Variants in CDH12 observed in about 807,000 individuals in gnomAD.
CDH12 encodes cadherin 12.
CDH12 carries 41 observed loss-of-function variants against 74.1 expected under a neutral mutation model. That is an observed-to-expected ratio of 0.55 (90% CI 0.43 to 0.72). CDH12 has a LOEUF of 0.72. CDH12 is among the 30% of genes least tolerant of loss of function. The pLI is 0.00. For missense variants in CDH12, 945 were observed against 977.2 expected (o/e 0.97, Z 0.44); for synonymous variants, 399 against 355.0 (o/e 1.12, Z -1.39).
At chr5:21,938,199 A>T (rs1215235890) in intron 6 of CDH12, among the ~76,000 whole-genome samples, 1 of 151,978 alleles carries the variant, frequency 6.6e-6, no homozygotes, top group Non-Finnish European at 1.5e-5. Context: ...CTCTCTCCAG[A>T]GTAGTTAAGC....
chr5:22,519,917 T>G (rs1056800433), intron 1 of CDH12, among the ~76,000 whole-genome samples: 4 of 152,194 alleles, frequency 2.6e-5, no homozygotes, highest in African/African-American at 9.7e-5. Context: ...GAGCACCCTG[T>G]GTATATTGTA....
intron 6 of CDH12, among the ~76,000 whole-genome samples, chr5:21,956,977 G>A (rs1440147637): frequency 2.0e-5 from 3 of 151,678 alleles, no homozygotes; most frequent in African/African-American, 4.8e-5. Flanking sequence ...AGGTAAACTC[G>A]TGTCACCAGG....
At chr5:21,797,751 C>A (rs1182749304) in intron 10 of CDH12, among the ~76,000 whole-genome samples, 1 of 152,112 alleles carries the variant, frequency 6.6e-6, no homozygotes, top group Non-Finnish European at 1.5e-5. Context: ...ACACCAGGGT[C>A]TTGACTGTAA....
chr5:21,882,696 G>C, intron 6 of CDH12: 1 of 1,547,742 alleles, frequency 6.5e-7, no homozygotes, highest in Non-Finnish European at 8.7e-7. Flanking sequence ...GCAGATGCCC[G>C]AGCCTTAATG....
At chr5:22,102,695 C>T (rs1005135153) in intron 4 of CDH12, among the ~76,000 whole-genome samples, 1 of 137,302 alleles carries the variant, frequency 7.3e-6, no homozygotes, top group Non-Finnish European at 1.6e-5. Context: ...TAAATAAATA[C>T]ATAAATAAAT....
At chr5:21,771,156 A>G (rs902583595) in intron 11 of CDH12, among the ~76,000 whole-genome samples, 1 of 152,094 alleles carries the variant, frequency 6.6e-6, no homozygotes, top group East Asian at 1.9e-4. Flanking sequence ...ACTTACATAC[A>G]TAACAAATCT....
At chr5:22,802,119 ATTTT>A (rs397883677) in intron 1 of CDH12, among the ~76,000 whole-genome samples, 3 of 123,548 alleles carry the variant, frequency 2.4e-5, no homozygotes, top group African/African-American at 6.1e-5. Flanking sequence ...TTAAATTCGT[ATTTT>A]TTTTTTTTTT....
At chr5:22,848,869 T>A (rs1228501606) in intron 1 of CDH12, among the ~76,000 whole-genome samples, 2 of 152,208 alleles carry the variant, frequency 1.3e-5, no homozygotes, top group African/African-American at 4.8e-5. Flanking sequence ...ATCTTTATTT[T>A]CTGTATTGTA....
intron 2 of CDH12, among the ~76,000 whole-genome samples, chr5:22,499,054 C>T (rs1488847645): frequency 6.6e-6 from 1 of 151,198 alleles, no homozygotes; most frequent in East Asian, 1.9e-4. Flanking sequence ...CAGGCACCTG[C>T]TACCATACCC....
intron 1 of CDH12, among the ~76,000 whole-genome samples, chr5:22,726,637 T>G (rs542921384): frequency 6.6e-6 from 1 of 151,976 alleles, no homozygotes. Flanking sequence ...TGTTACTGTT[T>G]TATATTTTGG....
intron 2 of CDH12, among the ~76,000 whole-genome samples, chr5:22,488,390 T>TA (rs1236104969): frequency 5.3e-5 from 8 of 152,214 alleles, no homozygotes; most frequent in Admixed American, 1.3e-4. Flanking sequence ...ATGGCTATCT[T>TA]AAAAAATTGC....
At chr5:22,409,633 T>G (rs2126469289) in intron 2 of CDH12, among the ~76,000 whole-genome samples, 1 of 152,286 alleles carries the variant, frequency 6.6e-6, no homozygotes, top group South Asian at 2.1e-4. Flanking sequence ...AATAATGTTT[T>G]AAGTTTCTTC....
intron 1 of CDH12, among the ~76,000 whole-genome samples, chr5:22,645,878 A>G (rs574221235): frequency 6.6e-6 from 1 of 152,090 alleles, no homozygotes; most frequent in Non-Finnish European, 1.5e-5. Context: ...TATATATTGT[A>G]TGTACATTTT....
At chr5:22,182,882 G>A (rs997421969) in intron 4 of CDH12, among the ~76,000 whole-genome samples, 1 of 151,892 alleles carries the variant, frequency 6.6e-6, no homozygotes, top group Non-Finnish European at 1.5e-5. Context: ...GTGCCAATAA[G>A]AAGATAGCGA....
intron 1 of CDH12, among the ~76,000 whole-genome samples, chr5:22,510,605 T>C (rs566832463): frequency 3.6e-4 from 55 of 152,298 alleles, no homozygotes; most frequent in African/African-American, 1.3e-3. Flanking sequence ...AAGTCTTTTA[T>C]GTAAAAAGGA....
intron 3 of CDH12, among the ~76,000 whole-genome samples, chr5:22,273,082 G>A (rs1033118919): frequency 4.6e-5 from 7 of 152,196 alleles, no homozygotes; most frequent in African/African-American, 1.7e-4. Context: ...TCTCCCACGA[G>A]GTCCCTCCCC....
intron 6 of CDH12, among the ~76,000 whole-genome samples, chr5:21,897,462 A>C (rs1395768189): frequency 1.3e-5 from 2 of 152,238 alleles, no homozygotes; most frequent in Non-Finnish European, 2.9e-5. Flanking sequence ...ATGAAAATGT[A>C]CTGACAAAGG....
At chr5:22,130,163 A>G (rs1255911296) in intron 4 of CDH12, among the ~76,000 whole-genome samples, 2 of 150,652 alleles carry the variant, frequency 1.3e-5, no homozygotes, top group Admixed American at 6.7e-5. Flanking sequence ...GATATATTTG[A>G]AGAGACCATG....
chr5:21,763,327 A>G (rs1400195648), intron 12 of CDH12, among the ~76,000 whole-genome samples: 2 of 152,264 alleles, frequency 1.3e-5, no homozygotes, highest in East Asian at 3.9e-4. Context: ...TATGAATGAG[A>G]ATATAGTTTT....
Sources: allele counts gnomAD v4.1 joint callset (sites outside exome capture counted in the v4.1 genomes callset), GRCh38; gene constraint gnomAD v4.1.1; transcripts MANE v1.5; gene names NCBI Gene and HGNC (gene_info 2026-07-23, HGNC 2026-07-21).